Variants in PTCHD4 observed in about 807,000 individuals in gnomAD.
The protein encoded by PTCHD4 is patched domain containing 4, also known as patched domain-containing protein 4.
PTCHD4 carries 33 observed loss-of-function variants against 58.1 expected under a neutral mutation model. The observed-to-expected ratio is 0.57, with a 90% CI of 0.43 to 0.76. The LOEUF is 0.76. Among genes scored for constraint, PTCHD4 ranks in the 30% least tolerant of loss-of-function variants. The pLI, the probability that PTCHD4 is intolerant of heterozygous loss-of-function variation, is 0.00. For synonymous variants in PTCHD4, 478 were observed against 409.6 expected (o/e 1.17, Z -2.02); for missense variants, 1,058 against 1,027.1 (o/e 1.03, Z -0.41).
At chr6:48,041,286 CT>C (rs1162625208) in intron 3 of PTCHD4, among the ~76,000 whole-genome samples, 1 of 152,038 alleles carries the variant, frequency 6.6e-6, no homozygotes, top group Admixed American at 6.6e-5. Flanking sequence ...TTCACTTTCC[CT>C]TACTTAGTAA....
intron 3 of PTCHD4, among the ~76,000 whole-genome samples, chr6:48,017,035 G>A (rs114544050): frequency 0.01 from 1,588 of 152,288 alleles, 30 homozygotes; most frequent in African/African-American, 0.036. Context: ...TAGATGGTTA[G>A]TTGTTTTTTA....
rs138627167 is a variant in PTCHD4 at position 47,929,244 on chromosome 6, C to T, written c.899-49308G>A. Among the ~76,000 whole-genome samples, 1,099 of 151,966 alleles carry T rather than the reference C, an allele frequency of 7.2e-3. 8 individuals are homozygous for T. The highest frequency in any genetic ancestry group is 0.026 in the South Asian group (125 of 4,812). ...GATAATTTACATACCAAAATGAAAA[C>T]GTTCATTTGAACTAAAGATTCAAAC... On this transcript the variant is annotated intron_variant, in intron 4 of 4. Transcript: ENST00000339488.
At position 47,877,786 on chromosome 6, in the gene PTCHD4, A is replaced by T. The variant is rs898846165; in HGVS notation, c.*517T>A. On this transcript the variant is annotated 3_prime_UTR_variant, in exon 5 of 5. Transcript: ENST00000339488. ...CTAAGTATATGTATATACGGGATAT[A>T]TACATATATATGTACACATAAAATG... Among the ~76,000 whole-genome samples the T allele has an allele frequency of 2.6e-5, 4 of 152,058 alleles. No homozygotes were observed. The highest frequency in any genetic ancestry group is 5.9e-5 in the Non-Finnish European group (4 of 67,992).
intron 1 of PTCHD4, among the ~76,000 whole-genome samples, chr6:48,100,261 T>A (rs1435109336): frequency 6.6e-6 from 1 of 152,208 alleles, no homozygotes; most frequent in Admixed American, 6.5e-5. Flanking sequence ...CAAATATGTA[T>A]TAAATTTTAA....
chr6:48,084,459 A>T (rs541536759), intron 1 of PTCHD4, among the ~76,000 whole-genome samples: 1 of 152,258 alleles, frequency 6.6e-6, no homozygotes, highest in African/African-American at 2.4e-5. Context: ...AGTAGTGAGT[A>T]GTTTAGCTCA....
intron 1 of PTCHD4, among the ~76,000 whole-genome samples, chr6:48,091,739 G>A (rs1324891734): frequency 6.7e-6 from 1 of 150,244 alleles, no homozygotes; most frequent in African/African-American, 2.5e-5. Context: ...CTCCACTCCT[G>A]GGTTCAAGTG....
intron 4 of PTCHD4, among the ~76,000 whole-genome samples, chr6:47,892,096 G>C (rs1196925083): frequency 6.6e-6 from 1 of 152,104 alleles, no homozygotes; most frequent in African/African-American, 2.4e-5. Context: ...ATTTTGAGAA[G>C]ATGATAACAT....
chr6:47,963,835 T>G (rs1767189688), intron 4 of PTCHD4, among the ~76,000 whole-genome samples: 1 of 152,222 alleles, frequency 6.6e-6, no homozygotes, highest in African/African-American at 2.4e-5. Flanking sequence ...TTATTTCAAC[T>G]AAACTTTACT....
chr6:48,026,861 A>G lies in PTCHD4; in HGVS notation c.418-17747T>C, dbSNP rs567534463. 6.4e-4 allele frequency among the ~76,000 whole-genome samples: 98 copies of G among 152,098 alleles called. 2 individuals carry two copies. The highest frequency in any genetic ancestry group is 2.2e-3 in the African/African-American group (93 of 41,506). On this transcript the variant is annotated intron_variant, in intron 3 of 4. Transcript: ENST00000339488. ...GACGAAAATATTAAAAATCTTCTTGATGATTATTCGTAAAAAGTTTTTGCT... is the reference window on the plus strand; with the variant it reads ...GACGAAAATATTAAAAATCTTCTTGGTGATTATTCGTAAAAAGTTTTTGCT...
chr6:47,955,263 G>C (rs1390113855), intron 4 of PTCHD4, among the ~76,000 whole-genome samples: 4 of 152,156 alleles, frequency 2.6e-5, no homozygotes. Context: ...GTAATGTAAG[G>C]AACCATATAC....
At chr6:47,890,708 C>G (rs1764350125) in intron 4 of PTCHD4, among the ~76,000 whole-genome samples, 6 of 152,066 alleles carry the variant, frequency 3.9e-5, no homozygotes, top group Admixed American at 3.3e-4. Context: ...GCTGAGTTGG[C>G]TTTGTAAGGG....
rs1366089786 is a variant in PTCHD4, at chr6:47,877,001, T to C, written c.*1302A>G. Among the ~76,000 whole-genome samples the C allele has an allele frequency of 6.6e-6, 1 of 151,972 alleles. No homozygotes were observed. Among genetic ancestry groups the C allele is most frequent in the East Asian group, 1.9e-4 (1 of 5,156 alleles). ...CAAGAGCAACACTATTGTGAGAAGCTACAAATGGTACTGCAGTAGGTGTAG... is the reference window on the plus strand; with the variant it reads ...CAAGAGCAACACTATTGTGAGAAGCCACAAATGGTACTGCAGTAGGTGTAG... On this transcript the variant is annotated 3_prime_UTR_variant, in exon 5 of 5. Coordinates refer to ENST00000339488, the MANE Select transcript of PTCHD4 (RefSeq NM_001384253.1).
At chr6:48,109,165 A>G (rs1439885378) in intron 1 of PTCHD4, among the ~76,000 whole-genome samples, 1 of 152,116 alleles carries the variant, frequency 6.6e-6, no homozygotes, top group Non-Finnish European at 1.5e-5. Flanking sequence ...GTGAATTCAA[A>G]TCATCTTGTA....
At chr6:48,004,743 C>A (rs1165964263) in intron 4 of PTCHD4, among the ~76,000 whole-genome samples, 2 of 151,976 alleles carry the variant, frequency 1.3e-5, no homozygotes, top group Non-Finnish European at 2.9e-5. Flanking sequence ...ATGGTGAAAC[C>A]CCATCTCTAC....
rs1036964975 is a variant in PTCHD4, at chr6:47,868,874, T to C, written c.*9429A>G. Among the ~76,000 whole-genome samples, 1 of 151,710 alleles carries C rather than the reference T, an allele frequency of 6.6e-6. No homozygotes were observed. Among genetic ancestry groups the C allele is most frequent in the Non-Finnish European group, 1.5e-5 (1 of 67,788 alleles). ...TAAAATTAATAATTAAAATACTAAA[T>C]TTGGACAGGAAAATGGCTATTGAAT... On this transcript the variant is annotated 3_prime_UTR_variant, in exon 5 of 5. Coordinates refer to ENST00000339488, the MANE Select transcript of PTCHD4 (RefSeq NM_001384253.1).
At chr6:48,071,767 T>C (rs927520031) in intron 1 of PTCHD4, among the ~76,000 whole-genome samples, 5 of 152,216 alleles carry the variant, frequency 3.3e-5, no homozygotes, top group African/African-American at 1.2e-4. Flanking sequence ...ACATTGCTTT[T>C]CATTGTCTTG....
chr6:48,032,644 T>C (rs1461933498), intron 3 of PTCHD4, among the ~76,000 whole-genome samples: 1 of 152,152 alleles, frequency 6.6e-6, no homozygotes. Context: ...AAAATGGACA[T>C]GTTTTTAAGT....
Position 48,068,477 on chromosome 6 carries a change from G to T in PTCHD4, c.170C>A (p.Ala57Glu). ...AVLTITFGLSALNRFQPEGDL... is the reference protein window; with the variant it reads ...AVLTITFGLSELNRFQPEGDL... Reference sequence around the variant, plus strand: ...GCCCTCGGGCTGGAAGCGGTTGAGCGCGCTGAGGCCGAAGGTGATTGTCAG... The same window carrying T: ...GCCCTCGGGCTGGAAGCGGTTGAGCTCGCTGAGGCCGAAGGTGATTGTCAG... Residue 57 changes from alanine (A) to glutamate (E), a missense_variant, in exon 3 of 5, where the codon GCG becomes GAG. Transcript: ENST00000339488. The surrounding 1 kb of genome is among the most constrained non-coding windows in gnomAD (Gnocchi z 4.2). The T allele has an allele frequency of 6.2e-7, 1 of 1,613,580 alleles. No individual in the cohort carries two copies. The highest frequency in any genetic ancestry group is 8.5e-7 in the Non-Finnish European group (1 of 1,179,834).
rs1763520927 is a variant in PTCHD4 at position 47,864,954 on chromosome 6, C to T, written c.*13349G>A. ...GTAGAATAAAAGCATGTGCCTTATACATAACTTTCATAGAAGATGACTGCA... is the reference window on the plus strand; with the variant it reads ...GTAGAATAAAAGCATGTGCCTTATATATAACTTTCATAGAAGATGACTGCA... On this transcript the variant is annotated 3_prime_UTR_variant, in exon 5 of 5. Coordinates refer to ENST00000339488, the MANE Select transcript of PTCHD4 (RefSeq NM_001384253.1). Among the ~76,000 whole-genome samples, 2 of 151,760 alleles carry T rather than the reference C, an allele frequency of 1.3e-5. No individual in the cohort carries two copies. Among genetic ancestry groups the T allele is most frequent in the African/African-American group, 4.8e-5 (2 of 41,376 alleles).
Sources: gnomAD v4.1 joint callset for allele counts (sites outside exome capture counted in the v4.1 genomes callset) on GRCh38, gnomAD v4.1.1 for gene constraint, Gnocchi (gnomAD v3.1) non-coding constraint, MANE v1.5 for transcripts, NCBI Gene and HGNC (gene_info 2026-07-23, HGNC 2026-07-21) for gene names.